The following SLC37A2 variants were observed in gnomAD, a reference collection of about 807,000 sequenced individuals.
The protein encoded by SLC37A2 is glucose-6-phosphate exchanger SLC37A2.
A neutral mutation model predicts 70.7 loss-of-function variants in SLC37A2; 59 were observed. The ratio of observed to expected loss-of-function variants is 0.83; its 90% CI spans 0.68 to 1.04. SLC37A2 has a LOEUF of 1.04. SLC37A2 is among the 50% of genes least tolerant of loss of function. The pLI, the probability that SLC37A2 is intolerant of heterozygous loss-of-function variation, is 0.00. For synonymous variants in SLC37A2, 257 were observed against 262.1 expected (o/e 0.98, Z 0.19); for missense variants, 580 against 658.1 (o/e 0.88, Z 1.30).
In SLC37A2 at chr11:125,088,377, A is replaced by G; in HGVS notation, c.*243A>G. 1.8e-6 allele frequency: 1 copy of G among 569,988 alleles called. No homozygotes were observed. Among genetic ancestry groups the G allele is most frequent in the Non-Finnish European group, 3.1e-6 (1 of 320,800 alleles). The allele number at this position is 569,988 out of a possible 1,614,324, so 35.3% of individuals were successfully genotyped here. A position where few individuals can be genotyped will look rare whatever the true frequency, so the allele number is the denominator to read the frequency against. ...GCTCTGGAAGCTGCAAGCAAAAGGG[A>G]TGGGACTAGGGCTGAGTTGTGTCTC... On this transcript the variant is annotated 3_prime_UTR_variant, in exon 18 of 18. Transcript: ENST00000403796.
chr11:125,077,251 T>C lies in SLC37A2; in HGVS notation c.163T>C (p.Ser55Pro), dbSNP rs1215547365. ...CCAGAGCCGTCTGCACCAGAACTGC[T>C]CGGAGCAGATCAAACCCATCAATGA... ...IVKSRLHQNC[S>P]EQIKPINDTH... Residue 55 changes from serine to proline, a missense_variant, in exon 3 of 18, where the codon TCG becomes CCG. Coordinates refer to ENST00000403796, the MANE Select transcript of SLC37A2 (RefSeq NM_001145290.2). 1 of 1,602,952 alleles carries C rather than the reference T, an allele frequency of 6.2e-7. No homozygotes were observed. Among genetic ancestry groups the C allele is most frequent in the Non-Finnish European group, 8.5e-7 (1 of 1,174,556 alleles).
rs183818339 is a variant in SLC37A2 at position 125,089,280 on chromosome 11, G to A, written c.*1146G>A. The A allele has an allele frequency of 5.4e-4, 83 of 152,984 alleles. No homozygotes were observed. The highest frequency in any genetic ancestry group is 1.2e-3 in the Non-Finnish European group (79 of 68,630). The allele number at this position is 152,984 out of a possible 1,614,324, so 9.5% of individuals were successfully genotyped here. Reference sequence around the variant, plus strand: ...GTCGGGGCTTGGCTTGGCAGCGAGCGAGGCTGGCATGGGGTGCTGAAGTGG... The same window carrying A: ...GTCGGGGCTTGGCTTGGCAGCGAGCAAGGCTGGCATGGGGTGCTGAAGTGG... On this transcript the variant is annotated 3_prime_UTR_variant, in exon 18 of 18. Coordinates refer to ENST00000403796, the MANE Select transcript of SLC37A2 (RefSeq NM_001145290.2).
In SLC37A2 at chr11:125,063,318, A is replaced by G. The variant is rs780847014; in HGVS notation, c.-50A>G. 1 of 1,537,336 alleles carries G rather than the reference A, an allele frequency of 6.5e-7. No homozygotes were observed. The highest frequency in any genetic ancestry group is 8.9e-7 in the Non-Finnish European group (1 of 1,121,360). ...CCAGTCCAGCCCGGGACACGCGCCC[A>G]GCTCTGTAGCCTCCTCCGTCGACTC... On this transcript the variant is annotated 5_prime_UTR_variant, in exon 1 of 18. Coordinates refer to ENST00000403796, the MANE Select transcript of SLC37A2 (RefSeq NM_001145290.2). This position sits in a 1 kb window ranked among gnomAD's most constrained non-coding sequence, Gnocchi z 5.4.
chr11:125,080,567 T>C lies in SLC37A2; in HGVS notation c.528-47T>C. The C allele has an allele frequency of 1.4e-6, 2 of 1,411,298 alleles. No homozygotes were observed. The highest frequency in any genetic ancestry group is 1.7e-5 in the South Asian group (1 of 59,290). The allele number at this position is 1,411,298 out of a possible 1,614,324, so 87.4% of individuals were successfully genotyped here. Reference sequence around the variant, plus strand: ...GGGCAGTTGCTATGAACAATGTGCTTTGCTTTTTACTTTTTATACCTCTTC... The same window carrying C: ...GGGCAGTTGCTATGAACAATGTGCTCTGCTTTTTACTTTTTATACCTCTTC... On this transcript the variant is annotated intron_variant, in intron 6 of 17. Coordinates refer to ENST00000403796, the MANE Select transcript of SLC37A2 (RefSeq NM_001145290.2). The surrounding 1 kb of genome is among the most constrained non-coding windows in gnomAD (Gnocchi z 4.3).
intron 1 of SLC37A2, among the ~76,000 whole-genome samples, chr11:125,069,098 C>T (rs1949006313): frequency 6.6e-6 from 1 of 152,214 alleles, no homozygotes; most frequent in South Asian, 2.1e-4. Context: ...ACTGAGTAAA[C>T]ACTAATGATT....
chr11:125,066,577 C>T (rs1292814361), intron 1 of SLC37A2, among the ~76,000 whole-genome samples: 1 of 152,130 alleles, frequency 6.6e-6, no homozygotes, highest in Non-Finnish European at 1.5e-5. Context: ...GAATTCATGA[C>T]AAGAATAATG....
intron 1 of SLC37A2, among the ~76,000 whole-genome samples, chr11:125,073,459 A>G (rs1949050607): frequency 2.0e-5 from 3 of 152,082 alleles, no homozygotes; most frequent in South Asian, 4.1e-4. Flanking sequence ...CCCTGACCCT[A>G]CTCGGCTCCC....
chr11:125,076,496 C>T (rs574579814), intron 1 of SLC37A2, among the ~76,000 whole-genome samples: 1 of 152,140 alleles, frequency 6.6e-6, no homozygotes, highest in Non-Finnish European at 1.5e-5. Context: ...TCAGAGCAGG[C>T]GGAGGTGCTT....
rs1162392661 is a variant in SLC37A2, at chr11:125,080,954, A to ATAAT, written c.694+175_694+178dup. On this transcript the variant is annotated intron_variant, in intron 7 of 17. Transcript: ENST00000403796. The surrounding 1 kb of genome is among the most constrained non-coding windows in gnomAD (Gnocchi z 4.3). Reference sequence around the variant, plus strand: ...CATTTGTAAAATAATAATAGTAATAATAATGTCTATTTCGTAGGATTTCTG... The same window carrying ATAAT: ...CATTTGTAAAATAATAATAGTAATAATAATTAATGTCTATTTCGTAGGATTTCTG... 6.6e-6 allele frequency among the ~76,000 whole-genome samples: 1 copy of ATAAT among 152,170 alleles called. No homozygotes were observed. Among genetic ancestry groups the ATAAT allele is most frequent in the Non-Finnish European group, 1.5e-5 (1 of 68,038 alleles).
chr11:125,065,786 A>G (rs1948974244), intron 1 of SLC37A2, among the ~76,000 whole-genome samples: 1 of 152,230 alleles, frequency 6.6e-6, no homozygotes, highest in Admixed American at 6.5e-5. Context: ...CTGTGCAAAT[A>G]ACCATACTTC....
intron 1 of SLC37A2, 59 bp from the exon 2 acceptor site, chr11:125,076,698 C>G (rs1184613009): frequency 1.3e-6 from 2 of 1,539,038 alleles, no homozygotes; most frequent in African/African-American, 1.4e-5. Context: ...GGGATGCCGG[C>G]CCAGAACTTC....
intron 10 of SLC37A2, 31 bp downstream of exon 10, chr11:125,082,365 C>G: frequency 6.2e-7 from 1 of 1,602,768 alleles, no homozygotes; most frequent in Non-Finnish European, 8.5e-7. Context: ...ATGAAGGGGT[C>G]TCTGAGGAGG....
intron 2 of SLC37A2, 146 bp downstream of exon 2, chr11:125,076,984 A>G: frequency 1.2e-6 from 1 of 828,366 alleles, no homozygotes; most frequent in South Asian, 1.6e-5. Flanking sequence ...TTTTGAGTTT[A>G]TTCCCCAAGA....
At chr11:125,068,558 G>A (rs1169663395) in intron 1 of SLC37A2, among the ~76,000 whole-genome samples, 1 of 152,200 alleles carries the variant, frequency 6.6e-6, no homozygotes, top group Non-Finnish European at 1.5e-5. Flanking sequence ...GAGTGCCAAA[G>A]GATGGCATTT....
chr11:125,082,614 C>A (rs1383336616), intron 10 of SLC37A2, among the ~76,000 whole-genome samples: 1 of 152,194 alleles, frequency 6.6e-6, no homozygotes, highest in Non-Finnish European at 1.5e-5. Flanking sequence ...TTCTTGCTAT[C>A]TTCTTCTCTA....
Position 125,079,104 on chromosome 11 carries a change from T to C in SLC37A2, c.315-8T>C. 1 of 1,612,784 alleles carries C rather than the reference T, an allele frequency of 6.2e-7. No homozygotes were observed. The highest frequency in any genetic ancestry group is 8.5e-7 in the Non-Finnish European group (1 of 1,178,926). ...GCTTAACCGCAGATCCAACTTTCTC[T>C]TCCCCAGTGGGGTTTTTGGGGAGCG... On this transcript the variant is annotated splice_region_variant and splice_polypyrimidine_tract_variant and intron_variant, in intron 4 of 17. Coordinates refer to ENST00000403796, the MANE Select transcript of SLC37A2 (RefSeq NM_001145290.2).
intron 1 of SLC37A2, among the ~76,000 whole-genome samples, chr11:125,070,872 C>T (rs560661234): frequency 5.3e-5 from 8 of 152,362 alleles, no homozygotes; most frequent in East Asian, 3.9e-4. Context: ...AGTGGACTGG[C>T]GTGCACCTCA....
intron 1 of SLC37A2, among the ~76,000 whole-genome samples, chr11:125,064,807 T>C (rs1050773655): frequency 2.6e-5 from 4 of 152,182 alleles, no homozygotes; most frequent in Non-Finnish European, 4.4e-5. Flanking sequence ...TGGGGAATTA[T>C]TGTTTAATGG....
At chr11:125,065,427 C>G (rs1948971193) in intron 1 of SLC37A2, among the ~76,000 whole-genome samples, 1 of 152,156 alleles carries the variant, frequency 6.6e-6, no homozygotes, top group African/African-American at 2.4e-5. Flanking sequence ...TATTTATTGT[C>G]CTGACATTAG....
Sources: allele counts gnomAD v4.1 joint callset (sites outside exome capture counted in the v4.1 genomes callset), GRCh38; gene constraint gnomAD v4.1.1; non-coding constraint Gnocchi (gnomAD v3.1); transcripts MANE v1.5; gene names NCBI Gene and HGNC (gene_info 2026-07-23, HGNC 2026-07-21).